Variants in SYNDIG1 observed in about 807,000 individuals in gnomAD.
SYNDIG1 encodes the protein synapse differentiation inducing 1.
SYNDIG1 carries 9 observed loss-of-function variants against 19.4 expected under a neutral mutation model. The ratio of observed to expected loss-of-function variants is 0.46; its 90% CI spans 0.28 to 0.81. The LOEUF (loss-of-function observed/expected upper bound fraction) is 0.81, where lower values mean the gene tolerates loss of function less well. Among genes scored for constraint, SYNDIG1 ranks in the 30% least tolerant of loss-of-function variants. SYNDIG1 has a pLI of 0.12. For missense variants in SYNDIG1, 311 were observed against 343.3 expected (o/e 0.91, Z 0.74); for synonymous variants, 141 against 145.9 (o/e 0.97, Z 0.24).
chr20:24,520,424 G>T (rs533411144), intron 1 of SYNDIG1, among the ~76,000 whole-genome samples: 1 of 152,154 alleles, frequency 6.6e-6, no homozygotes, highest in East Asian at 1.9e-4. Context: ...GGCCAGGTGC[G>T]GTGGCTCACG....
chr20:24,608,570 A>G (rs1395852140), intron 3 of SYNDIG1, among the ~76,000 whole-genome samples: 1 of 152,238 alleles, frequency 6.6e-6, no homozygotes, highest in African/African-American at 2.4e-5. Context: ...ACCTCTGTAC[A>G]TAGGAACATG....
chr20:24,615,292 A>G (rs1303301545), intron 3 of SYNDIG1, among the ~76,000 whole-genome samples: 1 of 152,210 alleles, frequency 6.6e-6, no homozygotes, highest in Non-Finnish European at 1.5e-5. Context: ...TGTTGCAGGA[A>G]ACCGGGATTC....
chr20:24,538,097 G>T (rs922314043), intron 1 of SYNDIG1, among the ~76,000 whole-genome samples: 7 of 152,076 alleles, frequency 4.6e-5, no homozygotes, highest in Non-Finnish European at 8.8e-5. Flanking sequence ...AATTGAGTTT[G>T]TCTAATTTTT....
chr20:24,641,808 G>T (rs1018328032), intron 3 of SYNDIG1, among the ~76,000 whole-genome samples: 1 of 152,132 alleles, frequency 6.6e-6, no homozygotes, highest in African/African-American at 2.4e-5. Context: ...CCCATGCCAC[G>T]CCCTGATGTT....
intron 1 of SYNDIG1, among the ~76,000 whole-genome samples, chr20:24,495,152 G>A (rs1457573505): frequency 1.3e-5 from 2 of 152,218 alleles, no homozygotes; most frequent in South Asian, 2.1e-4. Context: ...CTACTAGGGT[G>A]GGATTTGCCA....
At chr20:24,580,945 C>T (rs941806073) in intron 2 of SYNDIG1, among the ~76,000 whole-genome samples, 3 of 152,198 alleles carry the variant, frequency 2.0e-5, no homozygotes, top group African/African-American at 7.2e-5. Flanking sequence ...GTCAACGGTT[C>T]CCCAAGCGTT....
intron 3 of SYNDIG1, among the ~76,000 whole-genome samples, chr20:24,604,366 G>C (rs1369341130): frequency 6.6e-6 from 1 of 152,134 alleles, no homozygotes; most frequent in Non-Finnish European, 1.5e-5. Context: ...ACCAGATACA[G>C]GTCATAAAGA....
intron 2 of SYNDIG1, among the ~76,000 whole-genome samples, chr20:24,556,039 G>A (rs1394363843): frequency 6.6e-6 from 1 of 152,136 alleles, no homozygotes; most frequent in East Asian, 1.9e-4. Flanking sequence ...TTGTTGAATT[G>A]ATCCCTTTAC....
intron 2 of SYNDIG1, among the ~76,000 whole-genome samples, chr20:24,562,586 A>G (rs952584094): frequency 2.6e-5 from 4 of 152,228 alleles, no homozygotes; most frequent in African/African-American, 9.6e-5. Context: ...GGTGAGAGGG[A>G]AAGAATCTCC....
chr20:24,505,284 C>T (rs2056560702), intron 1 of SYNDIG1, among the ~76,000 whole-genome samples: 1 of 152,114 alleles, frequency 6.6e-6, no homozygotes, highest in South Asian at 2.1e-4. Context: ...GCCAGGGGAG[C>T]CCTGGGGAAA....
At chr20:24,481,374 A>T (rs2055792395) in intron 1 of SYNDIG1, among the ~76,000 whole-genome samples, 1 of 152,084 alleles carries the variant, frequency 6.6e-6, no homozygotes, top group Non-Finnish European at 1.5e-5. Flanking sequence ...GGTTGGGCTC[A>T]CTCGAAGCCT....
chr20:24,598,119 C>T (rs1010416670), intron 3 of SYNDIG1, among the ~76,000 whole-genome samples: 4 of 152,214 alleles, frequency 2.6e-5, no homozygotes, highest in African/African-American at 9.7e-5. Flanking sequence ...AGCAAGCCTT[C>T]GCTGGCCACA....
At chr20:24,491,641 G>C (rs1000088331) in intron 1 of SYNDIG1, 3 of 152,258 alleles carry the variant, frequency 2.0e-5, no homozygotes, top group African/African-American at 7.2e-5. Context: ...TCCAGGTGCA[G>C]ACCCAACACT....
chr20:24,647,261 C>G (rs1407458631), intron 3 of SYNDIG1, among the ~76,000 whole-genome samples: 7 of 152,106 alleles, frequency 4.6e-5, no homozygotes, highest in Non-Finnish European at 7.4e-5. Context: ...AGTGGAGAAC[C>G]ATATGAACAC....
chr20:24,537,841 C>T (rs958358623), intron 1 of SYNDIG1, among the ~76,000 whole-genome samples: 3 of 152,068 alleles, frequency 2.0e-5, no homozygotes, highest in Non-Finnish European at 2.9e-5. Context: ...TTTCTGCTGT[C>T]ATCTGTGGTT....
At chr20:24,510,543 TG>T (rs2056718042) in intron 1 of SYNDIG1, among the ~76,000 whole-genome samples, 1 of 148,866 alleles carries the variant, frequency 6.7e-6, no homozygotes, top group African/African-American at 2.5e-5. Context: ...CACTCTGGTC[TG>T]GGTGACAAGA....
intron 3 of SYNDIG1, among the ~76,000 whole-genome samples, chr20:24,660,092 C>T (rs1163450477): frequency 6.6e-6 from 1 of 152,204 alleles, no homozygotes; most frequent in Admixed American, 6.5e-5. Context: ...AAATTTATTC[C>T]ATGACTATCT....
chr20:24,559,103 T>A (rs180725865), intron 2 of SYNDIG1, among the ~76,000 whole-genome samples: 4 of 152,086 alleles, frequency 2.6e-5, no homozygotes, highest in Non-Finnish European at 5.9e-5. Context: ...TAATGGATAA[T>A]TGGATTTTTT....
chr20:24,646,731 C>T (rs1220358335), intron 3 of SYNDIG1, among the ~76,000 whole-genome samples: 1 of 151,932 alleles, frequency 6.6e-6, no homozygotes, highest in Non-Finnish European at 1.5e-5. Context: ...AAGTGATTCT[C>T]CTGCCTCAGC....
Sources: allele counts gnomAD v4.1 joint callset (sites outside exome capture counted in the v4.1 genomes callset), GRCh38; gene constraint gnomAD v4.1.1; transcripts MANE v1.5; gene names NCBI Gene and HGNC (gene_info 2026-07-23, HGNC 2026-07-21).